Variants in RAB30 observed in about 807,000 individuals in gnomAD.
RAB30 encodes ras-related protein Rab-30.
Under a neutral mutation model 25.1 loss-of-function variants are expected in RAB30, and 9 were observed. The ratio of observed to expected loss-of-function variants is 0.36; its 90% CI spans 0.22 to 0.63. The LOEUF (loss-of-function observed/expected upper bound fraction) is 0.63. Among genes scored for constraint, RAB30 ranks in the 20% least tolerant of loss-of-function variants. RAB30 has a pLI of 0.69. For synonymous variants in RAB30, 77 were observed against 86.4 expected (o/e 0.89, Z 0.60); for missense variants, 140 against 243.5 (o/e 0.58, Z 2.83).
At chr11:83,051,560 C>G (rs1001585788) in intron 1 of RAB30, among the ~76,000 whole-genome samples, 1 of 152,104 alleles carries the variant, frequency 6.6e-6, no homozygotes, top group African/African-American at 2.4e-5. Context: ...CCCTAAGTGT[C>G]TTGGGAACAC....
rs550527096 is a variant in RAB30 at position 83,062,226 on chromosome 11, C to A, written c.-9+9465G>T. Among the ~76,000 whole-genome samples, 48 of 152,240 alleles carry A rather than the reference C, an allele frequency of 3.2e-4. No individual in the cohort carries two copies. The South Asian group carries it at 1.0e-2, about 32-fold the overall frequency. Reference sequence around the variant, plus strand: ...CGAAAAACAAAACAAGTTTACTTAACCTTACTGAAAATTGGTTCCTCATTT... The same window carrying A: ...CGAAAAACAAAACAAGTTTACTTAAACTTACTGAAAATTGGTTCCTCATTT... On this transcript the variant is annotated intron_variant, in intron 1 of 4. Transcript: ENST00000527633.
chr11:83,025,437 A>C (rs1857687389), intron 1 of RAB30, among the ~76,000 whole-genome samples: 1 of 152,268 alleles, frequency 6.6e-6, no homozygotes, highest in Admixed American at 6.5e-5. Context: ...AAAGGGAACA[A>C]CATTGCATAA....
At chr11:83,033,862 A>G (rs1435400099) in intron 1 of RAB30, among the ~76,000 whole-genome samples, 1 of 152,118 alleles carries the variant, frequency 6.6e-6, no homozygotes, top group Non-Finnish European at 1.5e-5. Flanking sequence ...CCTCCAAAGA[A>G]TGATCAGATC....
rs1857159082 is a variant in RAB30 at position 83,005,148 on chromosome 11, C to T, written c.-8-7824G>A. Reference sequence around the variant, plus strand: ...ACAGACATTATCTAATCTGGACCTCCCAACAACCTCAAGAGAAAGCTCTAA... The same window carrying T: ...ACAGACATTATCTAATCTGGACCTCTCAACAACCTCAAGAGAAAGCTCTAA... On this transcript the variant is annotated intron_variant, in intron 1 of 4. Transcript: ENST00000527633. Among the ~76,000 whole-genome samples, 2 of 152,280 alleles carry T rather than the reference C, an allele frequency of 1.3e-5. 1 individual carries two copies. Among genetic ancestry groups the T allele is most frequent in the East Asian group, 3.9e-4 (2 of 5,178 alleles).
intron 1 of RAB30, among the ~76,000 whole-genome samples, chr11:83,056,910 C>T (rs963978132): frequency 1.3e-5 from 2 of 152,116 alleles, no homozygotes; most frequent in Non-Finnish European, 2.9e-5. Context: ...TGCAAACATG[C>T]CATTTTGCTT....
intron 2 of RAB30, among the ~76,000 whole-genome samples, chr11:82,994,897 C>G (rs989067272): frequency 6.6e-6 from 1 of 152,196 alleles, no homozygotes; most frequent in African/African-American, 2.4e-5. Flanking sequence ...ACAAACCACT[C>G]ACCCTCTCTG....
intron 1 of RAB30, among the ~76,000 whole-genome samples, chr11:83,025,188 AT>A (rs1407190518): frequency 1.3e-5 from 2 of 152,236 alleles, no homozygotes; most frequent in African/African-American, 4.8e-5. Flanking sequence ...AAAATCAGCA[AT>A]TTTTTAAAAT....
chr11:82,993,591 C>G (rs1856900419), intron 3 of RAB30, among the ~76,000 whole-genome samples: 1 of 152,210 alleles, frequency 6.6e-6, no homozygotes, highest in African/African-American at 2.4e-5. Flanking sequence ...CTTTCCCATA[C>G]TCCTCATTTA....
Position 82,977,527 on chromosome 11 carries a change from G to C in RAB30, c.*4638C>G, listed in dbSNP as rs1455004325. 1 of 152,172 alleles carries C rather than the reference G, an allele frequency of 6.6e-6. No homozygotes were observed. The highest frequency in any genetic ancestry group is 1.5e-5 in the Non-Finnish European group (1 of 68,050). 9.4% of individuals were successfully genotyped at this position (152,172 alleles called of 1,614,324 possible). ...CAGAGGCTATTACCTGAGGCAGACT[G>C]TCCCATAGTGAACCAACTTTTTGAG... On this transcript the variant is annotated 3_prime_UTR_variant, in exon 5 of 5. Coordinates refer to ENST00000527633, the MANE Select transcript of RAB30 (RefSeq NM_001286060.2).
At chr11:82,997,383 C>T in intron 1 of RAB30, 59 bp from the exon 2 acceptor site, 1 of 1,182,616 alleles carries the variant, frequency 8.5e-7, no homozygotes. Context: ...CCACAGAGCT[C>T]AAGCTGCACC....
At chr11:82,983,610 T>A (rs77126685) in intron 4 of RAB30, among the ~76,000 whole-genome samples, 4 of 138,628 alleles carry the variant, frequency 2.9e-5, no homozygotes, top group South Asian at 4.7e-4. Context: ...TTTTTTTTTT[T>A]ATTTTTTGCA....
At chr11:83,051,371 C>T (rs908168693) in intron 1 of RAB30, among the ~76,000 whole-genome samples, 5 of 152,162 alleles carry the variant, frequency 3.3e-5, no homozygotes, top group Admixed American at 6.5e-5. Context: ...CTCCTGGTTC[C>T]GGCTGTACCT....
At chr11:83,008,096 C>A (rs755520800) in intron 1 of RAB30, among the ~76,000 whole-genome samples, 6 of 152,180 alleles carry the variant, frequency 3.9e-5, no homozygotes, top group Non-Finnish European at 7.4e-5. Context: ...TTGGCTGGAC[C>A]GGAAGAACCT....
In RAB30 at chr11:82,980,092, C is replaced by T. The variant is rs1856613250; in HGVS notation, c.*2073G>A. On this transcript the variant is annotated 3_prime_UTR_variant, in exon 5 of 5. Transcript: ENST00000527633. Reference sequence around the variant, plus strand: ...CTAAATGACAGGTAATAAATCTAAACTTAGGAACATTTTCTTACAGTTTAA... The same window carrying T: ...CTAAATGACAGGTAATAAATCTAAATTTAGGAACATTTTCTTACAGTTTAA... The T allele has an allele frequency of 6.6e-6, 1 of 152,158 alleles. No individual in the cohort carries two copies. The highest frequency in any genetic ancestry group is 2.1e-4 in the South Asian group (1 of 4,834). The allele number at this position is 152,158 out of a possible 1,614,324, so 9.4% of individuals were successfully genotyped here. A position where few individuals can be genotyped will look rare whatever the true frequency, so the allele number is the denominator to read the frequency against.
chr11:83,066,743 G>A (rs897987935), intron 1 of RAB30, among the ~76,000 whole-genome samples: 2 of 152,116 alleles, frequency 1.3e-5, no homozygotes, highest in African/African-American at 4.8e-5. Context: ...GTAGAGACGG[G>A]GTTTCACCAT....
At chr11:83,014,823 A>C (rs1857400414) in intron 1 of RAB30, among the ~76,000 whole-genome samples, 1 of 151,664 alleles carries the variant, frequency 6.6e-6, no homozygotes, top group Admixed American at 6.6e-5. Context: ...GAAGGAAGGA[A>C]GAGAGAAGGG....
At chr11:82,985,440 T>C (rs1468043318) in intron 4 of RAB30, among the ~76,000 whole-genome samples, 3 of 152,156 alleles carry the variant, frequency 2.0e-5, no homozygotes, top group African/African-American at 7.2e-5. Flanking sequence ...CAGAGTATGA[T>C]ATATGTAGTG....
chr11:83,014,695 AGAAAGG>A (rs1857393622), intron 1 of RAB30, among the ~76,000 whole-genome samples: 1 of 148,188 alleles, frequency 6.7e-6, no homozygotes, highest in Admixed American at 6.7e-5. Context: ...AGAAAGAAAG[AGAAAGG>A]AAGGAAGGAA....
chr11:82,994,246 G>T, intron 2 of RAB30, 124 bp from the exon 3 acceptor site: 1 of 749,722 alleles, frequency 1.3e-6, no homozygotes, highest in East Asian at 2.6e-5. Flanking sequence ...TGGTAGAAAA[G>T]AGAACTCTGG....
Sources: allele counts gnomAD v4.1 joint callset (sites outside exome capture counted in the v4.1 genomes callset), GRCh38; gene constraint gnomAD v4.1.1; transcripts MANE v1.5; gene names NCBI Gene and HGNC (gene_info 2026-07-23, HGNC 2026-07-21).